The following HIVEP3 variants were observed in gnomAD, a reference collection of about 807,000 sequenced individuals.
HIVEP3 encodes the protein transcription factor HIVEP3.
In HIVEP3, 49 loss-of-function variants were observed where a neutral mutation model predicts 152.8. That is an observed-to-expected ratio of 0.32 (90% CI 0.26 to 0.41). The LOEUF (loss-of-function observed/expected upper bound fraction) is 0.41. Among genes scored for constraint, HIVEP3 ranks in the 10% least tolerant of loss-of-function variants. The probability of loss-of-function intolerance (pLI) is 1.00; values close to 1 mark genes in which losing one functional copy is unlikely to be tolerated. For synonymous variants in HIVEP3, 1,269 were observed against 1,289.0 expected, an observed-to-expected ratio of 0.98 and a Z score of 0.33; for missense variants, 2,790 against 3,103.3, an observed-to-expected ratio of 0.90 and a Z score of 2.40.
chr1:41,973,717 C>T (rs1020487172), intron 1 of HIVEP3, among the ~76,000 whole-genome samples: 2 of 152,186 alleles, frequency 1.3e-5, no homozygotes, highest in African/African-American at 4.8e-5. Context: ...TCAGAGGTCA[C>T]TGGGGACCCA....
intron 1 of HIVEP3, among the ~76,000 whole-genome samples, chr1:41,764,133 A>G (rs763654198): frequency 2.8e-4 from 43 of 152,140 alleles, no homozygotes; most frequent in Non-Finnish European, 5.1e-4. Context: ...AATGATAGAG[A>G]AGGGACTCTG....
intron 1 of HIVEP3, among the ~76,000 whole-genome samples, chr1:41,864,256 C>T (rs183871122): frequency 1.8e-4 from 28 of 152,226 alleles, no homozygotes; most frequent in Admixed American, 1.8e-3. Context: ...AAACCATTCA[C>T]ATTTGGGTGT....
chr1:41,604,122 A>G (rs1324050962), intron 3 of HIVEP3, among the ~76,000 whole-genome samples: 1 of 152,230 alleles, frequency 6.6e-6, no homozygotes, highest in Non-Finnish European at 1.5e-5. Flanking sequence ...ATTGATTGGC[A>G]AAGACTAATG....
intron 1 of HIVEP3, among the ~76,000 whole-genome samples, chr1:41,884,168 G>A (rs982062071): frequency 4.6e-5 from 7 of 152,112 alleles, no homozygotes; most frequent in South Asian, 2.1e-4. Context: ...GTTTCATCAC[G>A]TTGGCCAGGC....
intron 1 of HIVEP3, among the ~76,000 whole-genome samples, chr1:41,906,979 T>A (rs1644723181): frequency 2.0e-5 from 3 of 151,930 alleles, no homozygotes; most frequent in Admixed American, 1.3e-4. Context: ...GTGGAAATGA[T>A]CAGACCCCCA....
At chr1:41,640,788 G>A (rs112080468) in intron 2 of HIVEP3, among the ~76,000 whole-genome samples, 20 of 152,272 alleles carry the variant, frequency 1.3e-4, no homozygotes, top group African/African-American at 4.1e-4. Context: ...CTAATGCTAC[G>A]GTCAGGCTCC....
At chr1:41,824,776 T>TAG (rs1642728605) in intron 1 of HIVEP3, among the ~76,000 whole-genome samples, 11 of 12,312 alleles carry the variant, frequency 8.9e-4, no homozygotes, top group Admixed American at 2.3e-3. Context: ...TATATATATA[T>TAG]ATATATATAG....
At chr1:41,648,967 C>T (rs1419764160) in intron 2 of HIVEP3, among the ~76,000 whole-genome samples, 1 of 152,210 alleles carries the variant, frequency 6.6e-6, no homozygotes, top group Non-Finnish European at 1.5e-5. Context: ...AGCTCAAGTG[C>T]TCAGAGCCTC....
intron 1 of HIVEP3, among the ~76,000 whole-genome samples, chr1:41,792,320 G>T (rs904668609): frequency 1.2e-4 from 18 of 152,172 alleles, no homozygotes; most frequent in Admixed American, 6.5e-4. Context: ...CAGGGCAAAA[G>T]GGCTTGCTCT....
intron 1 of HIVEP3, among the ~76,000 whole-genome samples, chr1:41,928,179 G>A (rs948592032): frequency 6.6e-6 from 1 of 151,382 alleles, no homozygotes; most frequent in Non-Finnish European, 1.5e-5. Flanking sequence ...TGGGTCAGAT[G>A]ACCCTATTAC....
intron 1 of HIVEP3, among the ~76,000 whole-genome samples, chr1:41,989,859 G>A (rs1375298208): frequency 6.9e-6 from 1 of 145,542 alleles, no homozygotes; most frequent in Non-Finnish European, 1.5e-5. Flanking sequence ...ACACTGATGG[G>A]TCTTGACTCT....
chr1:41,510,865 C>T lies in HIVEP3; in HGVS notation c.6807G>A (p.Leu2269=). Residue 2269 remains leucine, a synonymous_variant, in exon 9 of 9, where the codon CTG becomes CTA. Transcript: ENST00000372583. ...TCTCCTTGGGGTAGTCCCCGCCCTC[C>T]AGCTCTGAGGAGAGTGTGAATTTGG... ...KVSKFTLSSE[L]EGGDYPKERE... The T allele has an allele frequency of 6.2e-7, 1 of 1,613,370 alleles. No individual in the cohort carries two copies.
At chr1:41,832,763 T>C (rs1450098775) in intron 1 of HIVEP3, among the ~76,000 whole-genome samples, 1 of 152,218 alleles carries the variant, frequency 6.6e-6, no homozygotes, top group Admixed American at 6.5e-5. Context: ...CTGATTCACA[T>C]TTTACAGATA....
rs562186805 is a variant in HIVEP3, at chr1:41,840,097, G to A, written c.-801+78316C>T. Among the ~76,000 whole-genome samples the A allele has an allele frequency of 1.5e-4, 23 of 152,162 alleles. No individual in the cohort carries two copies. The East Asian group carries it at 2.7e-3, about 18-fold the overall frequency. On this transcript the variant is annotated intron_variant, in intron 1 of 8. Transcript: ENST00000372583. The stretch of plus-strand genomic sequence containing the variant: ...GGGAATCCTGAGCCTGGCTCTCGTC[G>A]CGCCTCCTTTTATGAATCAGTTTGC...
At chr1:41,522,007 C>T (rs1242667682) in intron 6 of HIVEP3, among the ~76,000 whole-genome samples, 1 of 152,258 alleles carries the variant, frequency 6.6e-6, no homozygotes, top group Non-Finnish European at 1.5e-5. Context: ...GCCTGAGCTG[C>T]TGCCACGACG....
At position 41,582,301 on chromosome 1, in the gene HIVEP3, G is replaced by A. The variant is rs1198665350; in HGVS notation, c.2497C>T (p.Pro833Ser). 6.2e-7 allele frequency: 1 copy of A among 1,614,080 alleles called. No homozygotes were observed. Among genetic ancestry groups the A allele is most frequent in the Non-Finnish European group, 8.5e-7 (1 of 1,180,034 alleles). Residue 833 changes from proline to serine, a missense_variant, in exon 4 of 9, where the codon CCT (proline) becomes TCT (serine). This residue lies in a region of HIVEP3 where 1,078 missense variants were observed against 1,165.3 expected (regional missense o/e 0.93). Transcript: ENST00000372583. This position sits in a 1 kb window ranked among gnomAD's most constrained non-coding sequence, Gnocchi z 4.7. Reference protein sequence around the residue: ...KPLAQFPSPPPAPHGRSAHSL... With the variant: ...KPLAQFPSPPSAPHGRSAHSL... Reference sequence around the variant, plus strand: ...TGAGCAGAGCGTCCGTGTGGGGCAGGTGGGGGTGATGGGAACTGGGCCAGA... The same window carrying A: ...TGAGCAGAGCGTCCGTGTGGGGCAGATGGGGGTGATGGGAACTGGGCCAGA...
chr1:41,998,078 T>A (rs558260635), intron 1 of HIVEP3, among the ~76,000 whole-genome samples: 4 of 152,194 alleles, frequency 2.6e-5, no homozygotes, highest in South Asian at 2.1e-4. Context: ...TATCCTTAGG[T>A]ACCCTGGCTT....
chr1:41,829,002 G>A (rs566313754), intron 1 of HIVEP3, among the ~76,000 whole-genome samples: 3 of 152,308 alleles, frequency 2.0e-5, no homozygotes, highest in African/African-American at 7.2e-5. Flanking sequence ...GAGTTCACCT[G>A]AGCTGGCTCA....
chr1:41,684,172 T>A (rs1646082173), intron 2 of HIVEP3, among the ~76,000 whole-genome samples: 1 of 152,010 alleles, frequency 6.6e-6, no homozygotes, highest in Admixed American at 6.6e-5. Context: ...AGGACCCAGG[T>A]CTCCTCACTG....
Sources: gnomAD v4.1 joint callset for allele counts (sites outside exome capture counted in the v4.1 genomes callset) on GRCh38, gnomAD v4.1.1 for gene constraint, gnomAD v4.1.1 regional missense constraint, Gnocchi (gnomAD v3.1) non-coding constraint, MANE v1.5 for transcripts, NCBI Gene and HGNC (gene_info 2026-07-23, HGNC 2026-07-21) for gene names.